PINX1: variants seen among roughly 807,000 people sequenced by gnomAD.
The protein encoded by PINX1 is PIN2/TERF1-interacting telomerase inhibitor 1.
Under a neutral mutation model 25.4 loss-of-function variants are expected in PINX1, and 34 were observed. That is an observed-to-expected ratio of 1.34 (90% CI 1.02 to 1.78). The LOEUF is 1.78. PINX1 is among the 40% of genes most tolerant of loss of function. The pLI, the probability that PINX1 is intolerant of heterozygous loss-of-function variation, is 0.00. For missense variants in PINX1, 592 were observed against 404.9 expected (o/e 1.46, Z -3.97); for synonymous variants, 197 against 147.7 (o/e 1.33, Z -2.42).
chr8:10,779,303 A>G (rs1343027674), intron 6 of PINX1, among the ~76,000 whole-genome samples: 3 of 152,260 alleles, frequency 2.0e-5, no homozygotes, highest in African/African-American at 7.2e-5. Context: ...AATGTATAAA[A>G]TAACGAAGTG....
At chr8:10,783,239 G>C (rs1202390527) in intron 6 of PINX1, among the ~76,000 whole-genome samples, 2 of 152,090 alleles carry the variant, frequency 1.3e-5, no homozygotes, top group Admixed American at 6.6e-5. Context: ...AATGGCACTG[G>C]AGTTATACAT....
chr8:10,814,629 G>C (rs1797637819), intron 6 of PINX1, among the ~76,000 whole-genome samples: 1 of 152,224 alleles, frequency 6.6e-6, no homozygotes, highest in Admixed American at 6.5e-5. Flanking sequence ...GTAGAATGTA[G>C]ATTATGAGTA....
intron 6 of PINX1, among the ~76,000 whole-genome samples, chr8:10,773,027 A>C (rs1464145779): frequency 6.6e-6 from 1 of 152,146 alleles, no homozygotes; most frequent in Non-Finnish European, 1.5e-5. Context: ...AGTGTCCTTA[A>C]AGTTTTGAAT....
intron 4 of PINX1, among the ~76,000 whole-genome samples, chr8:10,829,843 C>T (rs1303938977): frequency 1.3e-5 from 2 of 152,166 alleles, no homozygotes; most frequent in African/African-American, 4.8e-5. Context: ...CGCCACCACG[C>T]CCAGCTAATT....
At chr8:10,784,514 G>A (rs911312081) in intron 6 of PINX1, among the ~76,000 whole-genome samples, 9 of 152,200 alleles carry the variant, frequency 5.9e-5, no homozygotes, top group African/African-American at 2.2e-4. Flanking sequence ...CTTTTAGAAA[G>A]GGTGCTGACA....
At chr8:10,795,715 A>C (rs1802063843) in intron 6 of PINX1, among the ~76,000 whole-genome samples, 1 of 152,216 alleles carries the variant, frequency 6.6e-6, no homozygotes, top group Non-Finnish European at 1.5e-5. Flanking sequence ...CTTGTAAGAA[A>C]AAATCCCAAG....
chr8:10,836,681 G>A (rs1363461311), intron 1 of PINX1, among the ~76,000 whole-genome samples: 1 of 134,398 alleles, frequency 7.4e-6, no homozygotes, highest in East Asian at 2.5e-4. Context: ...TCCAAACAAG[G>A]ATGTTGGGGG....
At chr8:10,814,956 T>C (rs1052710605) in intron 6 of PINX1, among the ~76,000 whole-genome samples, 1 of 152,196 alleles carries the variant, frequency 6.6e-6, no homozygotes, top group Non-Finnish European at 1.5e-5. Context: ...CTTCGTTTTT[T>C]TGAGACAGGG....
chr8:10,797,542 T>C (rs929417729), intron 6 of PINX1, among the ~76,000 whole-genome samples: 1 of 152,238 alleles, frequency 6.6e-6, no homozygotes, highest in Non-Finnish European at 1.5e-5. Context: ...CTAAGTCATG[T>C]AGATTACTGC....
chr8:10,779,713 G>A (rs760968104), intron 6 of PINX1, among the ~76,000 whole-genome samples: 3 of 152,204 alleles, frequency 2.0e-5, no homozygotes, highest in Non-Finnish European at 4.4e-5. Context: ...GATGAGTGGG[G>A]TTAAGTACTT....
intron 6 of PINX1, among the ~76,000 whole-genome samples, chr8:10,775,750 A>C (rs114077126): frequency 0.021 from 3,217 of 152,324 alleles, 133 homozygotes; most frequent in African/African-American, 0.073. Flanking sequence ...CTGACAGAAC[A>C]TGTGATCTAG....
At chr8:10,810,510 G>C (rs1008521212) in intron 6 of PINX1, among the ~76,000 whole-genome samples, 5 of 152,092 alleles carry the variant, frequency 3.3e-5, no homozygotes, top group African/African-American at 1.2e-4. Flanking sequence ...ATTGTTCAAG[G>C]CATATTTCAA....
chr8:10,806,847 C>T (rs954363326), intron 6 of PINX1, among the ~76,000 whole-genome samples: 3 of 152,126 alleles, frequency 2.0e-5, no homozygotes, highest in African/African-American at 4.8e-5. Flanking sequence ...CCAGAGCCCA[C>T]GTCCATGGCC....
chr8:10,778,057 T>A (rs1801450230), intron 6 of PINX1, among the ~76,000 whole-genome samples: 1 of 152,314 alleles, frequency 6.6e-6, no homozygotes, highest in Middle Eastern at 3.4e-3. Flanking sequence ...AGCTGCTTTG[T>A]TCTCCAACAA....
At chr8:10,836,999 T>G (rs1327785085) in intron 1 of PINX1, among the ~76,000 whole-genome samples, 3 of 152,248 alleles carry the variant, frequency 2.0e-5, no homozygotes, top group East Asian at 3.8e-4. Context: ...CAGTCTGTTC[T>G]GTGCTCAGAT....
At chr8:10,798,119 G>C (rs1013796805) in intron 6 of PINX1, among the ~76,000 whole-genome samples, 1 of 152,218 alleles carries the variant, frequency 6.6e-6, no homozygotes, top group African/African-American at 2.4e-5. Context: ...CATGTTTCTG[G>C]GATGTTTGTA....
intron 6 of PINX1, among the ~76,000 whole-genome samples, chr8:10,777,567 G>GA (rs1439850227): frequency 1.2e-4 from 18 of 152,298 alleles, no homozygotes; most frequent in Admixed American, 6.5e-4. Context: ...CGAGTGGCTT[G>GA]GGGACTGCAG....
chr8:10,802,942 G>C (rs941236305), intron 6 of PINX1, among the ~76,000 whole-genome samples: 3 of 152,278 alleles, frequency 2.0e-5, no homozygotes, highest in South Asian at 4.1e-4. Context: ...TAGGACATAT[G>C]AGGGCAAAAA....
chr8:10,837,822 A>C (rs896951226), intron 1 of PINX1, among the ~76,000 whole-genome samples: 8 of 152,246 alleles, frequency 5.3e-5, no homozygotes, highest in African/African-American at 1.9e-4. Flanking sequence ...CTCAAAATTC[A>C]GAGGTTGATC....
Sources: gnomAD v4.1 joint callset for allele counts (sites outside exome capture counted in the v4.1 genomes callset) on GRCh38, gnomAD v4.1.1 for gene constraint, MANE v1.5 for transcripts, NCBI Gene and HGNC (gene_info 2026-07-23, HGNC 2026-07-21) for gene names.